The following NEGR1 variants were observed in gnomAD, a reference collection of about 807,000 sequenced individuals.
NEGR1 encodes neuronal growth regulator 1, also known as IgLON family member 4.
NEGR1 carries 10 observed loss-of-function variants against 40.9 expected under a neutral mutation model. The observed-to-expected ratio is 0.24, with a 90% confidence interval of 0.15 to 0.42. NEGR1 has a LOEUF of 0.42. Ranked by LOEUF, NEGR1 falls within the 10% of genes least tolerant of loss-of-function variation. The pLI is 1.00. For missense variants in NEGR1, 352 were observed against 438.9 expected (o/e 0.80, Z 1.77); for synonymous variants, 185 against 166.8 (o/e 1.11, Z -0.84).
chr1:71,697,849 T>C, intron 4 of NEGR1, 159 bp downstream of exon 4: 1 of 642,878 alleles, frequency 1.6e-6, no homozygotes, highest in Non-Finnish European at 2.6e-6. Context: ...CATTAACCAA[T>C]TTAACCAACA....
At chr1:71,692,243 C>A (rs542140615) in intron 4 of NEGR1, among the ~76,000 whole-genome samples, 3 of 151,744 alleles carry the variant, frequency 2.0e-5, no homozygotes, top group African/African-American at 7.2e-5. Context: ...AAAGACAACT[C>A]TATGCCTTTT....
chr1:71,880,575 T>G (rs940766590), intron 2 of NEGR1, among the ~76,000 whole-genome samples: 1 of 152,084 alleles, frequency 6.6e-6, no homozygotes, highest in African/African-American at 2.4e-5. Context: ...TCCTTTGAAA[T>G]GAACTCCAAA....
chr1:72,204,208 A>G (rs985571350), intron 1 of NEGR1, among the ~76,000 whole-genome samples: 3 of 152,096 alleles, frequency 2.0e-5, no homozygotes, highest in African/African-American at 7.2e-5. Context: ...GGGTGACTAC[A>G]TAATACATTT....
intron 1 of NEGR1, among the ~76,000 whole-genome samples, chr1:72,012,708 T>A (rs375555820): frequency 7.9e-5 from 12 of 151,812 alleles, no homozygotes; most frequent in Admixed American, 2.6e-4. Context: ...AGACTGTGCG[T>A]CCCCAATCTG....
intron 5 of NEGR1, among the ~76,000 whole-genome samples, chr1:71,598,753 T>C (rs1029357453): frequency 1.3e-5 from 2 of 152,222 alleles, no homozygotes; most frequent in Non-Finnish European, 2.9e-5. Flanking sequence ...TATTTTAGAG[T>C]AATCCTAAAA....
At chr1:71,702,708 G>C (rs906393903) in intron 3 of NEGR1, among the ~76,000 whole-genome samples, 39 of 123,244 alleles carry the variant, frequency 3.2e-4, no homozygotes, top group African/African-American at 1.1e-3. Flanking sequence ...AACCACTAAA[G>C]AATGAGCAAA....
At chr1:72,216,221 G>A (rs1221446458) in intron 1 of NEGR1, among the ~76,000 whole-genome samples, 1 of 151,460 alleles carries the variant, frequency 6.6e-6, no homozygotes, top group Admixed American at 6.6e-5. Context: ...TGGCAGGCAA[G>A]GGGAGGGAGA....
intron 6 of NEGR1, among the ~76,000 whole-genome samples, chr1:71,519,559 TCA>T (rs2101427446): frequency 9.8e-6 from 1 of 102,018 alleles, no homozygotes; most frequent in East Asian, 2.7e-4. Flanking sequence ...AAGGGGAATA[TCA>T]CACTCTGGGG....
chr1:71,948,541 T>A (rs1307205114), intron 1 of NEGR1, among the ~76,000 whole-genome samples: 1 of 150,982 alleles, frequency 6.6e-6, no homozygotes, highest in Non-Finnish European at 1.5e-5. Context: ...GGTACGAAAA[T>A]GGACAAGACA....
At chr1:72,236,498 G>A (rs1263192881) in intron 1 of NEGR1, among the ~76,000 whole-genome samples, 1 of 151,920 alleles carries the variant, frequency 6.6e-6, no homozygotes, top group East Asian at 1.9e-4. Flanking sequence ...AAACAATTTT[G>A]AAGTGCCTGT....
At chr1:72,194,819 T>A (rs1289670333) in intron 1 of NEGR1, among the ~76,000 whole-genome samples, 1 of 152,084 alleles carries the variant, frequency 6.6e-6, no homozygotes, top group Non-Finnish European at 1.5e-5. Context: ...TAATTGGACA[T>A]TCATGTTGTA....
intron 2 of NEGR1, among the ~76,000 whole-genome samples, chr1:71,886,606 C>T (rs1284806257): frequency 6.6e-6 from 1 of 152,120 alleles, no homozygotes; most frequent in Admixed American, 6.6e-5. Flanking sequence ...CATCAGTCTG[C>T]TTCTGAAACA....
intron 3 of NEGR1, among the ~76,000 whole-genome samples, chr1:71,736,419 C>T (rs188639781): frequency 1.3e-3 from 199 of 152,188 alleles, no homozygotes; most frequent in African/African-American, 4.0e-3. Flanking sequence ...ACCTACTTTA[C>T]GGTTAATCAT....
intron 1 of NEGR1, among the ~76,000 whole-genome samples, chr1:72,085,183 G>T (rs1449732229): frequency 6.6e-6 from 1 of 152,154 alleles, no homozygotes; most frequent in Non-Finnish European, 1.5e-5. Context: ...AGACAGAAAT[G>T]CATGTAATGC....
At chr1:71,630,000 A>T (rs1258817376) in intron 4 of NEGR1, among the ~76,000 whole-genome samples, 2 of 152,002 alleles carry the variant, frequency 1.3e-5, no homozygotes, top group Non-Finnish European at 2.9e-5. Context: ...TGAAAAGACT[A>T]TGGAAATAGC....
intron 1 of NEGR1, among the ~76,000 whole-genome samples, chr1:72,034,569 TA>T (rs1646886266): frequency 1.3e-5 from 2 of 152,046 alleles, no homozygotes; most frequent in South Asian, 4.1e-4. Context: ...ATAAAGCAGG[TA>T]AAAAAATATC....
intron 6 of NEGR1, chr1:71,461,410 A>T (rs1646713794): frequency 6.6e-6 from 1 of 152,178 alleles, no homozygotes; most frequent in African/African-American, 2.4e-5. Context: ...CCAAATTTGA[A>T]GGTCTTACTT....
At chr1:72,100,885 T>C (rs1214249767) in intron 1 of NEGR1, 1 of 152,312 alleles carries the variant, frequency 6.6e-6, no homozygotes, top group Non-Finnish European at 1.5e-5. Flanking sequence ...GAGGGCTCTA[T>C]TCCTGGCTTG....
At chr1:71,692,175 G>A (rs1217039850) in intron 4 of NEGR1, among the ~76,000 whole-genome samples, 3 of 151,632 alleles carry the variant, frequency 2.0e-5, no homozygotes, top group African/African-American at 7.3e-5. Context: ...ATATATAAAT[G>A]TAGATGTACC....
Sources: allele counts gnomAD v4.1 joint callset (sites outside exome capture counted in the v4.1 genomes callset), GRCh38; gene constraint gnomAD v4.1.1; transcripts MANE v1.5; gene names NCBI Gene and HGNC (gene_info 2026-07-23, HGNC 2026-07-21).